Variants in WWP1 observed in about 807,000 individuals in gnomAD.
The protein encoded by WWP1 is NEDD4-like E3 ubiquitin-protein ligase WWP1.
In WWP1, 49 loss-of-function variants were observed where a neutral mutation model predicts 130.6. That is an observed-to-expected ratio of 0.38 (90% CI 0.30 to 0.48). WWP1 has a LOEUF of 0.48. Among genes scored for constraint, WWP1 ranks in the 20% least tolerant of loss-of-function variants. WWP1 has a pLI of 0.99. For synonymous variants in WWP1, 332 were observed against 367.8 expected (o/e 0.90, Z 1.11); for missense variants, 809 against 1,100.6 (o/e 0.74, Z 3.75).
At position 86,369,519 on chromosome 8, in the gene WWP1, A is replaced by G. The variant is rs561561571; in HGVS notation, c.-22+488A>G. On this transcript the variant is annotated intron_variant, in intron 2 of 24. Transcript: ENST00000517970. ...GGGGTGGGGATCAGGGTACAGAGAAAGTTTCATGTAGTAAAGTGAATAGTT... is the reference window on the plus strand; with the variant it reads ...GGGGTGGGGATCAGGGTACAGAGAAGGTTTCATGTAGTAAAGTGAATAGTT... Among the ~76,000 whole-genome samples the G allele has an allele frequency of 2.0e-5, 3 of 152,250 alleles. No individual in the cohort carries two copies. In the East Asian group the frequency reaches 5.8e-4, roughly 29 times the overall value.
intron 21 of WWP1, 62 bp downstream of exon 21, chr8:86,452,741 C>G (rs1811242749): frequency 6.3e-7 from 1 of 1,578,712 alleles, no homozygotes; most frequent in Non-Finnish European, 8.6e-7. Context: ...TAATTTAGTG[C>G]TTTTACAGAA....
chr8:86,376,055 T>TG (rs1824629768), intron 3 of WWP1, among the ~76,000 whole-genome samples: 1 of 152,238 alleles, frequency 6.6e-6, no homozygotes, highest in South Asian at 2.1e-4. Flanking sequence ...CTGTGAATAA[T>TG]GGGCATCTAT....
intron 14 of WWP1, among the ~76,000 whole-genome samples, chr8:86,432,179 G>A (rs1398922869): frequency 1.3e-5 from 2 of 152,148 alleles, no homozygotes; most frequent in Non-Finnish European, 2.9e-5. Flanking sequence ...CAATGAGATG[G>A]TCAGTGAAAT....
intron 2 of WWP1, among the ~76,000 whole-genome samples, chr8:86,372,260 G>C (rs952513156): frequency 4.6e-5 from 7 of 151,844 alleles, no homozygotes; most frequent in African/African-American, 1.5e-4. Context: ...CTGACCTCGT[G>C]ATCCGCCCGT....
Position 86,457,988 on chromosome 8 carries a change from A to G in WWP1, c.2462A>G (p.Tyr821Cys). 6.2e-7 allele frequency: 1 copy of G among 1,612,574 alleles called. No individual in the cohort carries two copies. The highest frequency in any genetic ancestry group is 8.5e-7 in the Non-Finnish European group (1 of 1,178,806). The change falls in exon 22 of 25, where the codon TAT becomes TGT. Residue 821 changes from tyrosine (Y) to cysteine (C), a missense_variant. Tyr to Cys is a radical substitution (Grantham distance 194). This residue lies in a region of WWP1 where 450 missense variants were observed against 674.2 expected (regional missense o/e 0.67). Transcript: ENST00000517970. ...CAGAGAAATACTGTTTATCGACATT[A>G]TACAAGAAACAGCAAGCAAATCATT... is the stretch of plus-strand genomic sequence containing the variant. ...DWQRNTVYRH[Y>C]TRNSKQIIWF...
At chr8:86,409,775 G>A (rs1194931922) in intron 8 of WWP1, among the ~76,000 whole-genome samples, 10 of 151,864 alleles carry the variant, frequency 6.6e-5, no homozygotes, top group Admixed American at 3.3e-4. Context: ...AAGGAGAACC[G>A]TTTGAACCCG....
chr8:86,389,571 G>GT (rs1563488138), intron 5 of WWP1, among the ~76,000 whole-genome samples: 1 of 152,196 alleles, frequency 6.6e-6, no homozygotes, highest in African/African-American at 2.4e-5. Context: ...CACAGACACC[G>GT]TAACAATCTG....
At chr8:86,409,600 C>G (rs371720678) in intron 8 of WWP1, among the ~76,000 whole-genome samples, 8 of 151,560 alleles carry the variant, frequency 5.3e-5, no homozygotes, top group African/African-American at 1.9e-4. Flanking sequence ...TGGCTCATGC[C>G]TGTAATCCCA....
intron 9 of WWP1, among the ~76,000 whole-genome samples, chr8:86,421,789 T>C (rs902603775): frequency 2.0e-5 from 3 of 151,976 alleles, no homozygotes; most frequent in South Asian, 2.1e-4. Context: ...CGCCACTGCA[T>C]TCCAGCCTGG....
At chr8:86,448,120 A>C in intron 18 of WWP1, 28 bp from the exon 19 acceptor site, 1 of 1,532,226 alleles carries the variant, frequency 6.5e-7, no homozygotes, top group East Asian at 2.4e-5. Flanking sequence ...TGCAAATTTT[A>C]AATAAAATTT....
intron 1 of WWP1, among the ~76,000 whole-genome samples, chr8:86,368,281 T>A (rs1261974028): frequency 1.3e-5 from 2 of 152,196 alleles, no homozygotes; most frequent in Non-Finnish European, 2.9e-5. Flanking sequence ...GTTAACTTGG[T>A]CATACAGCTC....
chr8:86,392,314 G>C (rs1807392023), intron 5 of WWP1, among the ~76,000 whole-genome samples: 1 of 152,174 alleles, frequency 6.6e-6, no homozygotes, highest in African/African-American at 2.4e-5. Flanking sequence ...AAATAGTATA[G>C]CTAACATACA....
chr8:86,419,981 C>G (rs1311341578), intron 9 of WWP1, among the ~76,000 whole-genome samples: 1 of 152,152 alleles, frequency 6.6e-6, no homozygotes. Flanking sequence ...TGTATCCAGC[C>G]ACACTGTTTA....
At chr8:86,349,943 G>A (rs1326123638) in intron 1 of WWP1, among the ~76,000 whole-genome samples, 1 of 151,992 alleles carries the variant, frequency 6.6e-6, no homozygotes. Context: ...GGGGAGAAGG[G>A]TTTCTTGACT....
chr8:86,460,910 C>T (rs1393679890), intron 22 of WWP1, among the ~76,000 whole-genome samples: 3 of 142,612 alleles, frequency 2.1e-5, no homozygotes, highest in Admixed American at 7.6e-5. Context: ...CCCGGGTTCA[C>T]GCCATTCTCC....
chr8:86,402,351 T>C (rs986441654), intron 8 of WWP1, 148 bp downstream of exon 8: 14 of 1,008,304 alleles, frequency 1.4e-5, no homozygotes, highest in African/African-American at 1.7e-5. Flanking sequence ...AGTGGTGCGA[T>C]CTCGGCTCAC....
chr8:86,355,039 G>A (rs528640054), intron 1 of WWP1, among the ~76,000 whole-genome samples: 6 of 152,116 alleles, frequency 3.9e-5, no homozygotes, highest in Non-Finnish European at 8.8e-5. Flanking sequence ...TGCACAAATA[G>A]AGTTGAAGTT....
At chr8:86,378,510 AT>A (rs1297948223) in intron 3 of WWP1, among the ~76,000 whole-genome samples, 2 of 152,168 alleles carry the variant, frequency 1.3e-5, no homozygotes, top group African/African-American at 4.8e-5. Flanking sequence ...AAATACTTAT[AT>A]AACCTTAGAG....
rs187181459 is a variant in WWP1, at chr8:86,466,430, A to T, written c.2670-364A>T. The stretch of plus-strand genomic sequence containing the variant: ...CAGTTATATAAAAAATTCTCGGTAA[A>T]TGACTGATGAATGAGTGACTGAGTG... On this transcript the variant is annotated intron_variant, in intron 24 of 24. Coordinates refer to ENST00000517970, the MANE Select transcript of WWP1 (RefSeq NM_007013.4). Among the ~76,000 whole-genome samples the T allele has an allele frequency of 2.6e-3, 400 of 152,260 alleles. 3 individuals are homozygous for T. The highest frequency in any genetic ancestry group is 9.3e-3 in the African/African-American group (387 of 41,560).
Sources: gnomAD v4.1 joint callset for allele counts (sites outside exome capture counted in the v4.1 genomes callset) on GRCh38, gnomAD v4.1.1 for gene constraint, gnomAD v4.1.1 regional missense constraint, MANE v1.5 for transcripts, NCBI Gene and HGNC (gene_info 2026-07-23, HGNC 2026-07-21) for gene names.